RASSF3: variants seen among roughly 807,000 people sequenced by gnomAD.
RASSF3 encodes the protein ras association domain-containing protein 3.
A neutral mutation model predicts 19.9 loss-of-function variants in RASSF3; 19 were observed. The observed-to-expected ratio is 0.96, with a 90% CI of 0.67 to 1.40. The LOEUF is 1.40. Ranked by LOEUF, RASSF3 falls within the 40% of genes most tolerant of loss-of-function variation. The pLI, the probability that RASSF3 is intolerant of heterozygous loss-of-function variation, is 0.00. For synonymous variants in RASSF3, 110 were observed against 104.2 expected (o/e 1.06, Z -0.34); for missense variants, 306 against 289.8 (o/e 1.06, Z -0.41).
intron 1 of RASSF3, among the ~76,000 whole-genome samples, chr12:64,526,529 A>T (rs1020129501): frequency 1.5e-4 from 22 of 145,672 alleles, no homozygotes; most frequent in Non-Finnish European, 2.4e-4. Flanking sequence ...AAAACTTTTT[A>T]AAAAATGAGT....
intron 2 of RASSF3, among the ~76,000 whole-genome samples, chr12:64,567,847 C>T (rs959530766): frequency 5.3e-5 from 8 of 152,194 alleles, no homozygotes; most frequent in Admixed American, 2.6e-4. Context: ...TCCCTGCTGC[C>T]CAGGCAGGCG....
intron 1 of RASSF3, among the ~76,000 whole-genome samples, chr12:64,514,186 C>CT (rs1380519649): frequency 4.3e-4 from 53 of 124,510 alleles, no homozygotes; most frequent in Non-Finnish European, 5.6e-4. Flanking sequence ...AGCGCTCAGC[C>CT]TCTTTTTTTT....
At chr12:64,604,567 A>G (rs1167612506) in intron 2 of RASSF3, among the ~76,000 whole-genome samples, 2 of 152,076 alleles carry the variant, frequency 1.3e-5, no homozygotes, top group Non-Finnish European at 2.9e-5. Context: ...ACCAAAGAGA[A>G]CAGCCGCTGA....
intron 1 of RASSF3, among the ~76,000 whole-genome samples, chr12:64,656,151 G>C (rs908237984): frequency 1.3e-5 from 2 of 152,008 alleles, no homozygotes; most frequent in Non-Finnish European, 2.9e-5. Flanking sequence ...TTATTTTTTA[G>C]ATTATTTGTG....
At chr12:64,610,466 G>A (rs537234047), upstream of RASSF3, 179 of 237,384 alleles carry the variant, frequency 7.5e-4, 4 homozygotes, top group Admixed American at 8.4e-3. Flanking sequence ...AGCCTGGCGG[G>A]GAGGCGGCAG....
intron 1 of RASSF3, among the ~76,000 whole-genome samples, chr12:64,537,988 GCCT>G (rs1238801426): frequency 1.3e-5 from 2 of 149,842 alleles, no homozygotes; most frequent in African/African-American, 4.9e-5. Context: ...TGTCCTACTC[GCCT>G]CCTCTTTTTT....
intron 2 of RASSF3, among the ~76,000 whole-genome samples, chr12:64,577,837 A>G (rs922443809): frequency 6.6e-6 from 1 of 152,248 alleles, no homozygotes; most frequent in East Asian, 1.9e-4. Flanking sequence ...GTTGTGGACA[A>G]GAGACTTTTT....
chr12:64,523,879 A>C (rs1359851037), intron 1 of RASSF3, among the ~76,000 whole-genome samples: 1 of 151,908 alleles, frequency 6.6e-6, no homozygotes, highest in Non-Finnish European at 1.5e-5. Context: ...GCCAAGGGAC[A>C]AATGTTTTCA....
intron 4 of RASSF3, among the ~76,000 whole-genome samples, chr12:64,692,042 A>T (rs995592360): frequency 6.6e-6 from 1 of 152,302 alleles, no homozygotes; most frequent in Non-Finnish European, 1.5e-5. Flanking sequence ...GCTTTCTAGC[A>T]TCTTTTTTTT....
chr12:64,624,639 A>G (rs1278004423), intron 1 of RASSF3, among the ~76,000 whole-genome samples: 1 of 151,068 alleles, frequency 6.6e-6, no homozygotes, highest in African/African-American at 2.5e-5. Flanking sequence ...CTGGAAGTTC[A>G]TAAGCATTAA....
chr12:64,579,809 G>A (rs796895627), intron 2 of RASSF3, among the ~76,000 whole-genome samples: 1 of 137,328 alleles, frequency 7.3e-6, no homozygotes, highest in Non-Finnish European at 1.6e-5. Flanking sequence ...GTTTTTTTGG[G>A]TTTTTTTTTT....
At chr12:64,644,344 T>C (rs1871652946) in intron 1 of RASSF3, among the ~76,000 whole-genome samples, 1 of 152,018 alleles carries the variant, frequency 6.6e-6, no homozygotes, top group East Asian at 1.9e-4. Flanking sequence ...TTCTCTGGAG[T>C]GTCCTGTATT....
intron 2 of RASSF3, among the ~76,000 whole-genome samples, chr12:64,604,976 T>G (rs1024042788): frequency 4.0e-5 from 6 of 150,986 alleles, no homozygotes; most frequent in Admixed American, 6.6e-5. Flanking sequence ...TTTTTTTAAT[T>G]TATTTTATTT....
chr12:64,669,944 AG>A (rs1370038866), intron 1 of RASSF3, among the ~76,000 whole-genome samples: 1 of 149,798 alleles, frequency 6.7e-6, no homozygotes, highest in Non-Finnish European at 1.5e-5. Context: ...GGGCAGATGG[AG>A]GGTAGCTTTT....
chr12:64,509,224 T>C (rs930040473), intron 1 of RASSF3, among the ~76,000 whole-genome samples: 12 of 152,094 alleles, frequency 7.9e-5, no homozygotes, highest in African/African-American at 2.9e-4. Flanking sequence ...CCAAGGTGGG[T>C]GGATCACTTG....
At chr12:64,646,009 C>T (rs1232687626) in intron 1 of RASSF3, among the ~76,000 whole-genome samples, 1 of 152,232 alleles carries the variant, frequency 6.6e-6, no homozygotes, top group Non-Finnish European at 1.5e-5. Context: ...TTGCAGCTGA[C>T]ATCTTTTGCC....
At chr12:64,672,724 C>T (rs1389515548) in intron 1 of RASSF3, among the ~76,000 whole-genome samples, 2 of 151,976 alleles carry the variant, frequency 1.3e-5, no homozygotes, top group Non-Finnish European at 2.9e-5. Context: ...GCTGTGTTGC[C>T]CAAGCTGATC....
At chr12:64,634,857 C>A (rs1239307722) in intron 1 of RASSF3, among the ~76,000 whole-genome samples, 3 of 150,716 alleles carry the variant, frequency 2.0e-5, no homozygotes, top group African/African-American at 7.3e-5. Context: ...CTTAGTGCCT[C>A]AAACTAGGTT....
intron 4 of RASSF3, among the ~76,000 whole-genome samples, 155 bp downstream of exon 4, chr12:64,691,734 A>ATG (rs373340736): frequency 1.3e-5 from 2 of 151,040 alleles, no homozygotes; most frequent in East Asian, 1.9e-4. Flanking sequence ...GGGCAGGGAG[A>ATG]GGGAGAGGGA....
Sources: allele counts gnomAD v4.1 joint callset (sites outside exome capture counted in the v4.1 genomes callset), GRCh38; gene constraint gnomAD v4.1.1; transcripts MANE v1.5; gene names NCBI Gene and HGNC (gene_info 2026-07-23, HGNC 2026-07-21).